The following COL16A1 variants were observed in gnomAD, a reference collection of about 807,000 sequenced individuals.
COL16A1 encodes the protein collagen alpha-1(XVI) chain.
In COL16A1, 189 loss-of-function variants were observed where a neutral mutation model predicts 266.3. The observed-to-expected ratio is 0.71, with a 90% CI of 0.63 to 0.80. The LOEUF (loss-of-function observed/expected upper bound fraction) is 0.80, where lower values mean the gene tolerates loss of function less well. Ranked by LOEUF, COL16A1 falls within the 30% of genes least tolerant of loss-of-function variation. COL16A1 has a pLI of 0.00. For synonymous variants in COL16A1, 740 were observed against 782.3 expected, an observed-to-expected ratio of 0.95 and a Z score of 0.90; for missense variants, 1,928 against 2,122.4, an observed-to-expected ratio of 0.91 and a Z score of 1.80.
Position 31,697,908 on chromosome 1 carries a change from A to G in COL16A1, c.655T>C (p.Ser219Pro). ...TCAGGGCCTGACCTAGCACTCACCG[A>G]GACAGGCTTGCCCTGCTCAGCATCC... ...GLDAEQGKPV[S>P]FDLQQVHIYC... The change falls in exon 6 of 71, where the codon TCG becomes CCG. Residue 219 changes from serine to proline, a missense_variant and splice_region_variant. Ser to Pro is a moderately conservative substitution (Grantham distance 74, BLOSUM62 -1). This residue lies in a region of COL16A1 where 1,552 missense variants were observed against 1,637.2 expected (regional missense o/e 0.95). Coordinates refer to ENST00000373672, the MANE Select transcript of COL16A1 (RefSeq NM_001856.4). This position sits in a 1 kb window ranked among gnomAD's most constrained non-coding sequence, Gnocchi z 4.2. The G allele has an allele frequency of 1.2e-6, 2 of 1,609,494 alleles. No individual in the cohort carries two copies. The highest frequency in any genetic ancestry group is 2.7e-5 in the African/African-American group (2 of 74,906).
In COL16A1 at chr1:31,697,850, C is replaced by T; in HGVS notation, c.657+56G>A. The T allele has an allele frequency of 1.3e-6, 2 of 1,534,054 alleles. No individual in the cohort carries two copies. The highest frequency in any genetic ancestry group is 1.2e-5 in the South Asian group (1 of 80,872). ...TTGTTCCGATACGGATTCCAGGAAG[C>T]CCACTCAGGTTCCCAGAAGGCAGGA... On this transcript the variant is annotated intron_variant, in intron 6 of 70. Transcript: ENST00000373672. The surrounding 1 kb of genome is among the most constrained non-coding windows in gnomAD (Gnocchi z 4.2).
chr1:31,691,023 G>A (rs1644237726), intron 20 of COL16A1, among the ~76,000 whole-genome samples, 165 bp downstream of exon 20: 1 of 152,142 alleles, frequency 6.6e-6, no homozygotes, highest in African/African-American at 2.4e-5. Flanking sequence ...GGGACAGGAC[G>A]CTCCCCGCCA....
chr1:31,701,527 G>A, intron 2 of COL16A1: 1 of 985,412 alleles, frequency 1.0e-6, no homozygotes, highest in African/African-American at 1.7e-5. Flanking sequence ...GGCCAGGCAA[G>A]TTGCCCGGTC....
intron 20 of COL16A1, 119 bp downstream of exon 20, chr1:31,691,069 C>T: frequency 2.0e-6 from 3 of 1,489,788 alleles, no homozygotes; most frequent in Non-Finnish European, 2.7e-6. Flanking sequence ...CCTCCTCCTC[C>T]AAAGGCCCGG....
rs200158882 is a variant in COL16A1, at chr1:31,665,556, A to T, written c.3492+27T>A. The T allele has an allele frequency of 4.1e-5, 66 of 1,614,044 alleles. 1 individual carries two copies. In the Middle Eastern group the frequency reaches 9.9e-4, roughly 24 times the overall value. On this transcript the variant is annotated intron_variant, in intron 55 of 70. Coordinates refer to ENST00000373672, the MANE Select transcript of COL16A1 (RefSeq NM_001856.4). ...CTCCCGATGAGACCACATCAGACAG[A>T]GCTGGCTTTGTGTCTTCTTCACTCA...
chr1:31,671,524 G>C, intron 48 of COL16A1, 91 bp downstream of exon 48: 1 of 1,537,866 alleles, frequency 6.5e-7, no homozygotes, highest in South Asian at 1.2e-5. Context: ...GCCTTGCCCA[G>C]CCTTTTGGGG....
chr1:31,671,289 C>T (rs1642669265), intron 48 of COL16A1, among the ~76,000 whole-genome samples: 1 of 152,162 alleles, frequency 6.6e-6, no homozygotes, highest in Admixed American at 6.5e-5. Flanking sequence ...AGGCTGTGAG[C>T]CTGAAGCCTA....
intron 61 of COL16A1, 79 bp downstream of exon 61, chr1:31,660,987 A>C: frequency 6.9e-7 from 1 of 1,443,596 alleles, no homozygotes; most frequent in Non-Finnish European, 9.3e-7. Flanking sequence ...GCCAGTGAGC[A>C]GGAAGAAGCG....
chr1:31,661,500 C>T (rs758021931), intron 59 of COL16A1, 42 bp from the exon 60 acceptor site: 5 of 1,614,138 alleles, frequency 3.1e-6, no homozygotes, highest in South Asian at 2.2e-5. Flanking sequence ...CTCATGTCAG[C>T]TGGGGGCCTC....
At position 31,698,757 on chromosome 1, in the gene COL16A1, G is replaced by A; in HGVS notation, c.267-151C>T. 7.5e-7 allele frequency: 1 copy of A among 1,326,172 alleles called. No individual in the cohort carries two copies. Among genetic ancestry groups the A allele is most frequent in the Non-Finnish European group, 1.0e-6 (1 of 992,850 alleles). The allele number at this position is 1,326,172 out of a possible 1,614,324, so 82.2% of individuals were successfully genotyped here. A position where few individuals can be genotyped will look rare whatever the true frequency, so the allele number is the denominator to read the frequency against. On this transcript the variant is annotated intron_variant, in intron 4 of 70. Coordinates refer to ENST00000373672, the MANE Select transcript of COL16A1 (RefSeq NM_001856.4). The surrounding 1 kb of genome is among the most constrained non-coding windows in gnomAD (Gnocchi z 4.1). ...TTCATTCACTCTCCATACCTTTACT[G>A]AGTGCCTTCCGCGAGCTAGGTGCGG...
chr1:31,683,902 C>A, intron 33 of COL16A1, 48 bp downstream of exon 33: 1 of 1,613,192 alleles, frequency 6.2e-7, no homozygotes, highest in Admixed American at 1.7e-5. Flanking sequence ...CCTATCCCAC[C>A]CCTGCCCTCA....
intron 11 of COL16A1, 124 bp from the exon 12 acceptor site, chr1:31,694,294 G>A (rs1272760621): frequency 1.5e-6 from 1 of 683,254 alleles, no homozygotes; most frequent in South Asian, 2.6e-5. Context: ...CTGTATCCCA[G>A]CCCCTGCTCT....
rs898703861 is a variant in COL16A1, at chr1:31,692,780, T to C, written c.1100A>G (p.Asp367Gly). 3.1e-6 allele frequency: 5 copies of C among 1,613,748 alleles called. No homozygotes were observed. Among genetic ancestry groups the C allele is most frequent in the Non-Finnish European group, 4.2e-6 (5 of 1,179,804 alleles). Residue 367 changes from aspartate (D) to glycine (G), a missense_variant, in exon 14 of 71, where the codon GAT becomes GGT. Around this residue, in one of 2 missense-constraint regions of COL16A1, gnomAD observed 1,552 missense variants for 1,637.2 expected, o/e 0.95. Transcript: ENST00000373672. ...TCCAAGTCTTACCTGAAGTGGGGCATCCGGGGAGATTCGAACACAGTCATT... is the reference window on the plus strand; with the variant it reads ...TCCAAGTCTTACCTGAAGTGGGGCACCCGGGGAGATTCGAACACAGTCATT... ...RGNDCVRISP[D>G]APLQCAEGPK... is the part of the protein sequence containing the mutation.
chr1:31,678,092 G>A (rs1643333696), intron 42 of COL16A1, among the ~76,000 whole-genome samples: 1 of 152,128 alleles, frequency 6.6e-6, no homozygotes, highest in Non-Finnish European at 1.5e-5. Flanking sequence ...ACTTCCAATA[G>A]GGTAGAGAGA....
intron 42 of COL16A1, chr1:31,679,271 G>A (rs901560556): frequency 1.4e-5 from 12 of 842,074 alleles, no homozygotes; most frequent in Non-Finnish European, 2.1e-5. Context: ...AGTTAAAGCA[G>A]TGCCAGAAAA....
Position 31,653,672 on chromosome 1 carries a change from C to A in COL16A1, c.4539G>T (p.Leu1513Phe), listed in dbSNP as rs1436805346. The A allele has an allele frequency of 1.2e-6, 2 of 1,612,700 alleles. No individual in the cohort carries two copies. Among genetic ancestry groups the A allele is most frequent in the South Asian group, 1.1e-5 (1 of 90,970 alleles). ...CCCCTTTTTCACCTTTGGTACCAGG[C>A]AATCCTGGAACAAAAGAAATAAATA... ...GRQGLPGVRG[L>F]PGTKGEKGDI... Residue 1513 changes from leucine (L) to phenylalanine (F), a missense_variant, in exon 70 of 71, where the codon TTG becomes TTT. Leu to Phe is a conservative substitution (Grantham distance 22, BLOSUM62 0). Transcript: ENST00000373672.
rs1640948372 is a variant in COL16A1, at chr1:31,654,694, G to C, written c.4357+98C>G. On this transcript the variant is annotated intron_variant, in intron 68 of 70. Coordinates refer to ENST00000373672, the MANE Select transcript of COL16A1 (RefSeq NM_001856.4). The stretch of plus-strand genomic sequence containing the variant: ...GAGTGTGTGGAGGGTGAGAGCAGGA[G>C]GACATTGAGCGTTAAGGAGAAAGAG... 13 of 1,601,604 alleles carry C rather than the reference G, an allele frequency of 8.1e-6. No individual in the cohort carries two copies. The South Asian group carries it at 1.3e-4, about 16-fold the overall frequency.
chr1:31,657,927 T>C lies in COL16A1; in HGVS notation c.4020+561A>G, dbSNP rs747583221. Among the ~76,000 whole-genome samples, 20 of 152,334 alleles carry C rather than the reference T, an allele frequency of 1.3e-4. No individual in the cohort carries two copies. Among genetic ancestry groups the C allele is most frequent in the Admixed American group, 2.6e-4 (4 of 15,300 alleles). Reference sequence around the variant, plus strand: ...GCTATGTGACTCCGAGCAACCTGCCTAACCTTGCGGAGCCCCCGTTTCCTC... The same window carrying C: ...GCTATGTGACTCCGAGCAACCTGCCCAACCTTGCGGAGCCCCCGTTTCCTC... On this transcript the variant is annotated intron_variant, in intron 64 of 70. Coordinates refer to ENST00000373672, the MANE Select transcript of COL16A1 (RefSeq NM_001856.4). The surrounding 1 kb of genome is among the most constrained non-coding windows in gnomAD (Gnocchi z 6.4).
chr1:31,683,530 G>A (rs1438276666), intron 34 of COL16A1, among the ~76,000 whole-genome samples, 161 bp from the exon 35 acceptor site: 2 of 152,218 alleles, frequency 1.3e-5, no homozygotes, highest in African/African-American at 2.4e-5. Flanking sequence ...TGGGGTCAAA[G>A]GCAAGTCCCT....
Sources: allele counts gnomAD v4.1 joint callset (sites outside exome capture counted in the v4.1 genomes callset), GRCh38; gene constraint gnomAD v4.1.1; regional missense constraint gnomAD v4.1.1; non-coding constraint Gnocchi (gnomAD v3.1); transcripts MANE v1.5; gene names NCBI Gene and HGNC (gene_info 2026-07-23, HGNC 2026-07-21).